Variants in KIAA0825 observed in about 807,000 individuals in gnomAD.
KIAA0825 encodes uncharacterized protein KIAA0825.
A neutral mutation model predicts 147.6 loss-of-function variants in KIAA0825; 119 were observed. The ratio of observed to expected loss-of-function variants is 0.81; its 90% CI spans 0.69 to 0.94. KIAA0825 has a LOEUF of 0.94. Ranked by LOEUF, KIAA0825 falls within the 40% of genes least tolerant of loss-of-function variation. The pLI is 0.00. For missense variants in KIAA0825, 1,381 were observed against 1,472.7 expected, an observed-to-expected ratio of 0.94 and a Z score of 1.02; for synonymous variants, 470 against 518.1, an observed-to-expected ratio of 0.91 and a Z score of 1.26.
chr5:94,289,965 T>C (rs1777816618), intron 20 of KIAA0825, among the ~76,000 whole-genome samples: 1 of 151,374 alleles, frequency 6.6e-6, no homozygotes, highest in African/African-American at 2.5e-5. Context: ...TTGGTATTTA[T>C]TAGTTCACAG....
intron 12 of KIAA0825, among the ~76,000 whole-genome samples, chr5:94,454,966 A>T (rs1758901943): frequency 6.6e-6 from 1 of 152,078 alleles, no homozygotes; most frequent in Admixed American, 6.6e-5. Flanking sequence ...GAAGGAGAAA[A>T]TTAAGGGAAA....
intron 9 of KIAA0825, 122 bp from the exon 10 acceptor site, chr5:94,470,233 T>A: frequency 1.7e-6 from 1 of 604,242 alleles, no homozygotes; most frequent in Non-Finnish European, 2.5e-6. Flanking sequence ...CTCTTAATGC[T>A]GAAGTCTGCA....
chr5:94,213,954 T>C (rs1238177436), intron 20 of KIAA0825, among the ~76,000 whole-genome samples: 1 of 152,214 alleles, frequency 6.6e-6, no homozygotes, highest in Non-Finnish European at 1.5e-5. Flanking sequence ...TGATAGGAAC[T>C]GTGTCTTATT....
At chr5:94,488,848 G>A (rs1763371434) in intron 5 of KIAA0825, among the ~76,000 whole-genome samples, 2 of 152,156 alleles carry the variant, frequency 1.3e-5, no homozygotes, top group South Asian at 4.1e-4. Context: ...GTATATTAAA[G>A]TCTCTATTTC....
At chr5:94,556,985 A>G (rs758890284) in intron 2 of KIAA0825, among the ~76,000 whole-genome samples, 34 of 152,154 alleles carry the variant, frequency 2.2e-4, no homozygotes, top group Non-Finnish European at 4.7e-4. Context: ...TCTCTTGACA[A>G]TCTTCCTAAA....
Position 94,396,298 on chromosome 5 carries a change from T to C in KIAA0825, c.3099A>G (p.Glu1033=), listed in dbSNP as rs1750644696. ...CRIFEDGNTV[E]LLTGASLDRW... is the part of the protein sequence containing the mutation. ...TGTCAAGAGAGGCACCTGTTAAAAG[T>C]TCCACAGTGTTTCCGTCCTCAAATA... The change falls in exon 17 of 21, where the codon GAA becomes GAG. Residue 1033 remains glutamate, a synonymous_variant. Coordinates refer to ENST00000682413, the MANE Select transcript of KIAA0825 (RefSeq NM_001145678.3). 6.4e-7 allele frequency: 1 copy of C among 1,550,632 alleles called. No individual in the cohort carries two copies. The highest frequency in any genetic ancestry group is 8.7e-7 in the Non-Finnish European group (1 of 1,146,630).
intron 7 of KIAA0825, among the ~76,000 whole-genome samples, chr5:94,474,084 T>C (rs937149485): frequency 6.6e-6 from 1 of 152,206 alleles, no homozygotes; most frequent in African/African-American, 2.4e-5. Flanking sequence ...CTTAGAATTT[T>C]AGTCTCTCCA....
At chr5:94,500,107 A>G (rs1041269740) in intron 5 of KIAA0825, among the ~76,000 whole-genome samples, 1 of 152,140 alleles carries the variant, frequency 6.6e-6, no homozygotes, top group Non-Finnish European at 1.5e-5. Flanking sequence ...GAAAAATATG[A>G]GGTGGGGAGA....
At chr5:94,523,431 G>C (rs760316604) in intron 4 of KIAA0825, among the ~76,000 whole-genome samples, 8 of 151,568 alleles carry the variant, frequency 5.3e-5, no homozygotes, top group Non-Finnish European at 7.4e-5. Context: ...GTCATTTGGT[G>C]GTCTTGCATA....
chr5:94,520,726 T>G lies in KIAA0825; in HGVS notation c.492A>C (p.Ile164=), dbSNP rs143175289. Reference sequence around the variant, plus strand: ...CTAAGAAGCGTCGAAGATGCAGTCTTATATCATCCCACATAGACTTGACAT... The same window carrying G: ...CTAAGAAGCGTCGAAGATGCAGTCTGATATCATCCCACATAGACTTGACAT... The part of the protein sequence containing the change: ...SMDVKSMWDD[I]RLHLRRFLVS... The change falls in exon 5 of 21, where the codon ATA becomes ATC. Residue 164 remains isoleucine, a synonymous_variant. Transcript: ENST00000682413. 68 of 1,613,432 alleles carry G rather than the reference T, an allele frequency of 4.2e-5. No homozygotes were observed. Among genetic ancestry groups the G allele is most frequent in the Non-Finnish European group, 5.6e-5 (66 of 1,179,490 alleles).
intron 2 of KIAA0825, among the ~76,000 whole-genome samples, chr5:94,560,316 A>G (rs1777323079): frequency 6.6e-6 from 1 of 152,192 alleles, no homozygotes; most frequent in Admixed American, 6.5e-5. Flanking sequence ...TATTTTCAGC[A>G]AACCTTCAGA....
In KIAA0825 at chr5:94,524,102, TA is replaced by T. The variant is rs748368652; in HGVS notation, c.132-5del. ...CTCTTTAATGCAATGTTTTATGCTA[TA>T]AAAAACAGAAGAAAAAGTTATTTTG... On this transcript the variant is annotated splice_polypyrimidine_tract_variant and splice_region_variant and intron_variant, in intron 3 of 20. Transcript: ENST00000682413. 6.3e-7 allele frequency: 1 copy of T among 1,586,152 alleles called. No individual in the cohort carries two copies. The highest frequency in any genetic ancestry group is 8.6e-7 in the Non-Finnish European group (1 of 1,165,928).
chr5:94,206,634 A>C (rs1311471332), intron 20 of KIAA0825, among the ~76,000 whole-genome samples: 1 of 152,164 alleles, frequency 6.6e-6, no homozygotes, highest in Non-Finnish European at 1.5e-5. Flanking sequence ...TGTATCATGA[A>C]TATTATGAGG....
chr5:94,423,183 G>A (rs567020680), intron 14 of KIAA0825, among the ~76,000 whole-genome samples: 1 of 152,254 alleles, frequency 6.6e-6, no homozygotes, highest in East Asian at 1.9e-4. Context: ...GGGAGCTGGG[G>A]GGTTGGAGGG....
chr5:94,545,586 T>C (rs1282382826), intron 2 of KIAA0825, among the ~76,000 whole-genome samples: 1 of 152,190 alleles, frequency 6.6e-6, no homozygotes, highest in Non-Finnish European at 1.5e-5. Flanking sequence ...AGTTCCTAGA[T>C]GACATTTCTA....
intron 10 of KIAA0825, among the ~76,000 whole-genome samples, chr5:94,467,388 A>G (rs1172962410): frequency 6.6e-6 from 1 of 152,218 alleles, no homozygotes. Context: ...TTTAGATTAT[A>G]TATCAGGAAA....
intron 5 of KIAA0825, chr5:94,519,396 A>G: frequency 1.1e-6 from 1 of 908,228 alleles, no homozygotes; most frequent in South Asian, 5.1e-5. Context: ...TAAAAGCATA[A>G]CTAATGATAA....
At chr5:94,240,996 A>T (rs557623262) in intron 20 of KIAA0825, among the ~76,000 whole-genome samples, 23 of 152,284 alleles carry the variant, frequency 1.5e-4, no homozygotes, top group African/African-American at 5.5e-4. Flanking sequence ...TTAACAATGA[A>T]GTTATTGCTG....
chr5:94,491,271 G>A (rs1205495908), intron 5 of KIAA0825, among the ~76,000 whole-genome samples: 1 of 152,088 alleles, frequency 6.6e-6, no homozygotes, highest in Non-Finnish European at 1.5e-5. Flanking sequence ...ATTATTCCAG[G>A]TGAAATTTAT....
Sources: allele counts gnomAD v4.1 joint callset (sites outside exome capture counted in the v4.1 genomes callset), GRCh38; gene constraint gnomAD v4.1.1; transcripts MANE v1.5; gene names NCBI Gene and HGNC (gene_info 2026-07-23, HGNC 2026-07-21).